Variants in DEPDC5 observed in about 807,000 individuals in gnomAD.
The protein encoded by DEPDC5 is DEP domain containing 5, GATOR1 subcomplex subunit.
In DEPDC5, 73 loss-of-function variants were observed where a neutral mutation model predicts 217.3. That is an observed-to-expected ratio of 0.34 (90% CI 0.28 to 0.41). The LOEUF is 0.41. DEPDC5 is among the 10% of genes least tolerant of loss of function. The pLI, the probability that DEPDC5 is intolerant of heterozygous loss-of-function variation, is 1.00. For synonymous variants in DEPDC5, 733 were observed against 756.7 expected, an observed-to-expected ratio of 0.97 and a Z score of 0.51; for missense variants, 1,675 against 2,070.1, an observed-to-expected ratio of 0.81 and a Z score of 3.70.
chr22:31,829,081 G>T (rs552082080), intron 24 of DEPDC5, among the ~76,000 whole-genome samples: 1 of 152,266 alleles, frequency 6.6e-6, no homozygotes, highest in East Asian at 1.9e-4. Flanking sequence ...TGTGTAATGG[G>T]CATAAAGATC....
At chr22:31,781,721 C>T (rs1417275211) in intron 8 of DEPDC5, among the ~76,000 whole-genome samples, 4 of 152,102 alleles carry the variant, frequency 2.6e-5, no homozygotes, top group Non-Finnish European at 5.9e-5. Context: ...TGAGCCACCA[C>T]ACCTGGCCAA....
intron 3 of DEPDC5, among the ~76,000 whole-genome samples, chr22:31,760,363 C>G (rs1380154999): frequency 4.6e-5 from 7 of 151,340 alleles, no homozygotes. Flanking sequence ...CCACCACACC[C>G]GGCCTAATTT....
At chr22:31,895,690 G>A (rs1296827986) in intron 39 of DEPDC5, among the ~76,000 whole-genome samples, 2 of 151,764 alleles carry the variant, frequency 1.3e-5, no homozygotes, top group Admixed American at 1.3e-4. Flanking sequence ...GCATGAGCCA[G>A]CAGGTTTTTT....
chr22:31,837,527 T>C (rs1488376363), intron 26 of DEPDC5, among the ~76,000 whole-genome samples: 1 of 151,710 alleles, frequency 6.6e-6, no homozygotes, highest in Admixed American at 6.6e-5. Flanking sequence ...CTAATTTTTG[T>C]GTATTTTATA....
At chr22:31,792,931 A>C (rs2085846624) in intron 12 of DEPDC5, 114 bp downstream of exon 12, 2 of 901,386 alleles carry the variant, frequency 2.2e-6, no homozygotes, top group Non-Finnish European at 3.0e-6. Flanking sequence ...CCAAAAATAC[A>C]AAAAATTCGC....
chr22:31,827,925 TG>T (rs1325112163), intron 24 of DEPDC5, among the ~76,000 whole-genome samples: 3 of 152,184 alleles, frequency 2.0e-5, no homozygotes, highest in African/African-American at 7.2e-5. Context: ...TGTCCTGTAT[TG>T]GATGATAAAT....
At chr22:31,857,740 TA>T in intron 32 of DEPDC5, 187 bp downstream of exon 32, 1 of 496,014 alleles carries the variant, frequency 2.0e-6, no homozygotes. Flanking sequence ...TTCACAGTTG[TA>T]AGGAAGCTAA....
rs5998172 is a variant in DEPDC5, at chr22:31,907,794, G to A, written c.*1297G>A. On this transcript the variant is annotated 3_prime_UTR_variant, in exon 43 of 43. Transcript: ENST00000651528. ...AGCTGTGGGTCAGAGGGGAGAATCCGACAGTGACTGCCACTTCTTGCTGTG... is the reference window on the plus strand; with the variant it reads ...AGCTGTGGGTCAGAGGGGAGAATCCAACAGTGACTGCCACTTCTTGCTGTG... The A allele has an allele frequency of 0.19, 28,961 of 152,130 alleles. 3,249 individuals are homozygous for A. Among genetic ancestry groups the A allele is most frequent in the African/African-American group, 0.31 (12,938 of 41,422 alleles). The allele number at this position is 152,130 out of a possible 1,614,324, so 9.4% of individuals were successfully genotyped here.
rs771875089 is a variant in DEPDC5 at position 31,879,565 on chromosome 22, A to G, written c.3846A>G (p.Gly1282=). 1 of 1,612,862 alleles carries G rather than the reference A, an allele frequency of 6.2e-7. No individual in the cohort carries two copies. Among genetic ancestry groups the G allele is most frequent in the Admixed American group, 1.7e-5 (1 of 60,022 alleles). ...CCGCCACCACCTGGCACACAGCAGG[A>G]GTGGACGACTTCGCCAGCTTCCAGC... The part of the protein sequence containing the change: ...QQPATTWHTA[G]VDDFASFQRK... The change falls in exon 38 of 43, where the codon GGA becomes GGG. Residue 1282 remains glycine, a synonymous_variant. Transcript: ENST00000651528.
At chr22:31,818,896 C>T (rs2089418692) in intron 21 of DEPDC5, 126 bp from the exon 22 acceptor site, 1 of 923,694 alleles carries the variant, frequency 1.1e-6, no homozygotes, top group Non-Finnish European at 1.7e-6. Flanking sequence ...TTGCTCATTT[C>T]TCTCACTCCC....
chr22:31,778,550 C>CGTGGG (rs2084113103), intron 8 of DEPDC5, among the ~76,000 whole-genome samples: 1 of 152,126 alleles, frequency 6.6e-6, no homozygotes, highest in African/African-American at 2.4e-5. Flanking sequence ...CTACTCTTTG[C>CGTGGG]CCACATGTAA....
intron 7 of DEPDC5, among the ~76,000 whole-genome samples, chr22:31,773,544 G>A (rs970936883): frequency 6.6e-6 from 1 of 152,056 alleles, no homozygotes; most frequent in Non-Finnish European, 1.5e-5. Context: ...TTTTGCTCAG[G>A]CTTGGTTAAA....
chr22:31,828,532 T>C (rs2090342248), intron 24 of DEPDC5, among the ~76,000 whole-genome samples: 1 of 152,134 alleles, frequency 6.6e-6, no homozygotes, highest in African/African-American at 2.4e-5. Flanking sequence ...TGAAGTTAGC[T>C]TTCTCTCTAC....
At chr22:31,893,928 A>G (rs2149379822) in intron 39 of DEPDC5, 177 bp downstream of exon 39, 3 of 720,410 alleles carry the variant, frequency 4.2e-6, no homozygotes, top group East Asian at 3.4e-5. Flanking sequence ...TTAAGCAATC[A>G]AAAAAGGTAG....
intron 24 of DEPDC5, 152 bp downstream of exon 24, chr22:31,822,942 G>A: frequency 1.4e-6 from 1 of 691,600 alleles, no homozygotes; most frequent in Non-Finnish European, 2.4e-6. Context: ...GCTCTATAAT[G>A]CATGGAATTA....
intron 31 of DEPDC5, chr22:31,852,999 G>C (rs1030103646): frequency 2.0e-5 from 3 of 152,332 alleles, no homozygotes; most frequent in Non-Finnish European, 4.4e-5. Flanking sequence ...TACGGTGAGG[G>C]GACAGATGAG....
At chr22:31,862,862 A>T (rs773507106) in intron 33 of DEPDC5, among the ~76,000 whole-genome samples, 2 of 152,208 alleles carry the variant, frequency 1.3e-5, no homozygotes, top group Non-Finnish European at 2.9e-5. Context: ...TGGGTAGCAC[A>T]CTGTGTTTTT....
chr22:31,845,278 A>C lies in DEPDC5; in HGVS notation c.3021+41A>C, dbSNP rs1045838182. 7.6e-6 allele frequency: 12 copies of C among 1,584,204 alleles called. No individual in the cohort carries two copies. The African/African-American group carries it at 1.6e-4, about 21-fold the overall frequency. ...ACTCAGGGAGTGCGCCTGGTGTGAGATGCAGGGCCTGCCACCTCCTCTATT... is the reference window on the plus strand; with the variant it reads ...ACTCAGGGAGTGCGCCTGGTGTGAGCTGCAGGGCCTGCCACCTCCTCTATT... On this transcript the variant is annotated intron_variant, in intron 30 of 42. Transcript: ENST00000651528.
chr22:31,754,457 C>G (rs868748158), intron 1 of DEPDC5, among the ~76,000 whole-genome samples: 7 of 152,262 alleles, frequency 4.6e-5, no homozygotes, highest in Non-Finnish European at 1.0e-4. Flanking sequence ...TCTTAAGTCT[C>G]GAGTGACCTT....
Sources: allele counts gnomAD v4.1 joint callset (sites outside exome capture counted in the v4.1 genomes callset), GRCh38; gene constraint gnomAD v4.1.1; transcripts MANE v1.5; gene names NCBI Gene and HGNC (gene_info 2026-07-23, HGNC 2026-07-21).